BCAR3: variants seen among roughly 807,000 people sequenced by gnomAD.
BCAR3 encodes the protein breast cancer anti-estrogen resistance protein 3.
Under a neutral mutation model 80.1 loss-of-function variants are expected in BCAR3, and 37 were observed. That is an observed-to-expected ratio of 0.46 (90% CI 0.36 to 0.61). BCAR3 has a LOEUF of 0.61. BCAR3 is among the 20% of genes least tolerant of loss of function. The probability of loss-of-function intolerance (pLI) is 0.00; values close to 1 mark genes in which losing one functional copy is unlikely to be tolerated. For missense variants in BCAR3, 978 were observed against 1,068.2 expected (o/e 0.92, Z 1.18); for synonymous variants, 389 against 418.9 (o/e 0.93, Z 0.87).
chr1:93,770,229 A>G (rs1430295786), intron 2 of BCAR3, among the ~76,000 whole-genome samples: 3 of 152,152 alleles, frequency 2.0e-5, no homozygotes, highest in Admixed American at 2.0e-4. Context: ...CTAACGGAAG[A>G]GCTGCTGGGG....
At chr1:93,776,371 C>T (rs3886289) in intron 2 of BCAR3, among the ~76,000 whole-genome samples, 17,765 of 152,088 alleles carry the variant, frequency 0.12, 1,437 homozygotes, top group African/African-American at 0.22. Context: ...TTCCCACCCC[C>T]AAACATGCCA....
intron 2 of BCAR3, among the ~76,000 whole-genome samples, chr1:93,656,867 G>A (rs1647410101): frequency 6.6e-6 from 1 of 152,056 alleles, no homozygotes; most frequent in Middle Eastern, 3.4e-3. Context: ...CACTGCACCC[G>A]GCCTCTAATA....
intron 3 of BCAR3, among the ~76,000 whole-genome samples, chr1:93,638,588 TGTTTG>T (rs1675874054): frequency 1.3e-5 from 2 of 151,658 alleles, no homozygotes; most frequent in African/African-American, 4.9e-5. Flanking sequence ...TAAAAAAAAA[TGTTTG>T]GTTTTATCTA....
In BCAR3 at chr1:93,774,241, T is replaced by G. The variant is rs1006297335; in HGVS notation, c.-62-68099A>C. 2.0e-5 allele frequency among the ~76,000 whole-genome samples: 3 copies of G among 151,936 alleles called. No individual in the cohort carries two copies. The South Asian group carries it at 6.2e-4, about 32-fold the overall frequency. ...GGCTCATGCCTGTAATCCCAGCACT[T>G]TTGGGAGGCCGAGGTGGGTGGATGA... On this transcript the variant is annotated intron_variant, in intron 2 of 13. Coordinates refer to the BCAR3 transcript ENST00000370244.
intron 2 of BCAR3, among the ~76,000 whole-genome samples, chr1:93,763,385 C>T (rs993178584): frequency 5.9e-5 from 9 of 152,168 alleles, no homozygotes; most frequent in African/African-American, 2.2e-4. Context: ...CTGTTGAATG[C>T]CTACTGCATG....
At chr1:93,677,981 C>A (rs958061086) in intron 1 of BCAR3, among the ~76,000 whole-genome samples, 1 of 152,132 alleles carries the variant, frequency 6.6e-6, no homozygotes, top group Non-Finnish European at 1.5e-5. Context: ...TGAATTATAC[C>A]CCTGCTCTCT....
chr1:93,818,240 G>A (rs61782404), intron 2 of BCAR3, among the ~76,000 whole-genome samples: 11,790 of 152,270 alleles, frequency 0.077, 508 homozygotes, highest in South Asian at 0.093. Context: ...AGAAATATCT[G>A]TTGGTTTCTG....
At chr1:93,707,098 C>T (rs1435727161) in intron 2 of BCAR3, among the ~76,000 whole-genome samples, 2 of 152,002 alleles carry the variant, frequency 1.3e-5, no homozygotes, top group East Asian at 1.9e-4. Context: ...TTGCTTGAAC[C>T]TGGGAGGCAG....
At chr1:93,678,190 T>C (rs1024771325) in intron 1 of BCAR3, among the ~76,000 whole-genome samples, 9 of 152,216 alleles carry the variant, frequency 5.9e-5, no homozygotes, top group African/African-American at 1.9e-4. Flanking sequence ...TCTCCAGTAT[T>C]GACCAATGTG....
At chr1:93,810,355 G>A (rs1249258155) in intron 2 of BCAR3, among the ~76,000 whole-genome samples, 1 of 151,930 alleles carries the variant, frequency 6.6e-6, no homozygotes. Context: ...TTGACAACTA[G>A]CCCTTAAGTT....
At chr1:93,703,184 T>A (rs1649708774) in intron 3 of BCAR3, among the ~76,000 whole-genome samples, 1 of 152,218 alleles carries the variant, frequency 6.6e-6, no homozygotes, top group Non-Finnish European at 1.5e-5. Context: ...GTGAGGGGTC[T>A]CACTTGAAGA....
intron 3 of BCAR3, among the ~76,000 whole-genome samples, chr1:93,702,112 C>T (rs560475124): frequency 1.8e-4 from 27 of 152,268 alleles, no homozygotes; most frequent in African/African-American, 4.8e-4. Context: ...GAAATTCTCA[C>T]GGGGGAAAGT....
intron 6 of BCAR3, 61 bp from the exon 7 acceptor site, chr1:93,583,014 A>AAACC (rs1673783580): frequency 6.7e-7 from 1 of 1,489,814 alleles, no homozygotes; most frequent in African/African-American, 1.4e-5. Context: ...AAAACAAACA[A>AAACC]AACCAGAGTG....
At chr1:93,572,365 G>A (rs918396428) in intron 8 of BCAR3, among the ~76,000 whole-genome samples, 3 of 152,192 alleles carry the variant, frequency 2.0e-5, no homozygotes, top group Non-Finnish European at 2.9e-5. Context: ...AGGTAAGAAT[G>A]GTGTTCTCCA....
intron 2 of BCAR3, among the ~76,000 whole-genome samples, chr1:93,722,646 T>C (rs1650443892): frequency 6.6e-6 from 1 of 152,116 alleles, no homozygotes; most frequent in African/African-American, 2.4e-5. Flanking sequence ...ATATCATAAA[T>C]CCTCTTGCCT....
Position 93,708,146 on chromosome 1 carries a change from T to C in BCAR3, c.-62-2004A>G, listed in dbSNP as rs551302797. Among the ~76,000 whole-genome samples, 91 of 152,320 alleles carry C rather than the reference T, an allele frequency of 6.0e-4. No homozygotes were observed. The Middle Eastern group carries it at 0.017, about 28-fold the overall frequency. On this transcript the variant is annotated intron_variant, in intron 2 of 13. Coordinates refer to the BCAR3 transcript ENST00000370244. The stretch of plus-strand genomic sequence containing the variant: ...AAGGAAGGAGATAACCATATCCTTC[T>C]ACTGCTCACTTATATAGAACCTGAA...
intron 2 of BCAR3, among the ~76,000 whole-genome samples, chr1:93,810,283 T>C (rs566630302): frequency 1.6e-4 from 24 of 152,156 alleles, no homozygotes; most frequent in African/African-American, 5.5e-4. Flanking sequence ...AGTTTATAAA[T>C]ATACGCATCT....
At chr1:93,759,479 TG>T in intron 2 of BCAR3, among the ~76,000 whole-genome samples, 1 of 152,236 alleles carries the variant, frequency 6.6e-6, no homozygotes, top group African/African-American at 2.4e-5. Flanking sequence ...GCGGCCTCTA[TG>T]GGTGCTAGGG....
At chr1:93,580,493 C>A (rs1425698569) in intron 7 of BCAR3, among the ~76,000 whole-genome samples, 1 of 147,170 alleles carries the variant, frequency 6.8e-6, no homozygotes, top group Non-Finnish European at 1.5e-5. Flanking sequence ...TTCAACCAAC[C>A]AAGGATCAAA....
Sources: allele counts gnomAD v4.1 joint callset (sites outside exome capture counted in the v4.1 genomes callset), GRCh38; gene constraint gnomAD v4.1.1; transcripts MANE v1.5; gene names NCBI Gene and HGNC (gene_info 2026-07-23, HGNC 2026-07-21).